CLEC6A: variants seen among roughly 807,000 people sequenced by gnomAD.
CLEC6A encodes the protein C-type lectin domain containing 6A.
In CLEC6A, 22 loss-of-function variants were observed where a neutral mutation model predicts 25.7. That is an observed-to-expected ratio of 0.85 (90% CI 0.61 to 1.22). The LOEUF (loss-of-function observed/expected upper bound fraction) is 1.22. Ranked by LOEUF, CLEC6A falls within the 50% of genes most tolerant of loss-of-function variation. CLEC6A has a pLI of 0.00. For missense variants in CLEC6A, 240 were observed against 236.8 expected (o/e 1.01, Z -0.09); for synonymous variants, 92 against 76.7 (o/e 1.20, Z -1.04).
At chr12:8,477,235 C>T in intron 5 of CLEC6A, 85 bp from the exon 6 acceptor site, 1 of 1,086,160 alleles carries the variant, frequency 9.2e-7, no homozygotes, top group Non-Finnish European at 1.3e-6. Context: ...CTAAATCCCA[C>T]TTTGTTCACC....
At chr12:8,471,456 C>T (rs1484810846) in intron 4 of CLEC6A, among the ~76,000 whole-genome samples, 1 of 151,854 alleles carries the variant, frequency 6.6e-6, no homozygotes, top group African/African-American at 2.4e-5. Context: ...AGATTAATTT[C>T]CCTACTAGTT....
chr12:8,459,705 C>A lies in CLEC6A; in HGVS notation c.223+7C>A. ...GAAGGGACAAAGGTGCCAGGTAAATCTTTAAAATACTGAAATAGACTTTCT... is the reference window on the plus strand; with the variant it reads ...GAAGGGACAAAGGTGCCAGGTAAATATTTAAAATACTGAAATAGACTTTCT... On this transcript the variant is annotated splice_region_variant and intron_variant, in intron 3 of 5. Coordinates refer to ENST00000382073, the MANE Select transcript of CLEC6A (RefSeq NM_001007033.2). 1.9e-6 allele frequency: 3 copies of A among 1,543,970 alleles called. No homozygotes were observed. Among genetic ancestry groups the A allele is most frequent in the Non-Finnish European group, 2.7e-6 (3 of 1,116,212 alleles).
intron 4 of CLEC6A, among the ~76,000 whole-genome samples, chr12:8,475,130 G>A (rs746918101): frequency 1.3e-5 from 2 of 152,178 alleles, no homozygotes; most frequent in East Asian, 3.9e-4. Flanking sequence ...AGAACATGTG[G>A]TGTTTGATTT....
intron 2 of CLEC6A, 145 bp downstream of exon 2, chr12:8,458,132 C>G: frequency 1.7e-6 from 1 of 588,626 alleles, no homozygotes. Flanking sequence ...CTCCTTTTCC[C>G]TTTGTTTTTC....
rs202062818 is a variant in CLEC6A, at chr12:8,476,289, T to C, written c.485+49T>C. 21 of 1,012,548 alleles carry C rather than the reference T, an allele frequency of 2.1e-5. No homozygotes were observed. The African/African-American group carries it at 2.9e-4, about 14-fold the overall frequency. 62.7% of individuals were successfully genotyped at this position (1,012,548 alleles called of 1,614,324 possible). On this transcript the variant is annotated intron_variant, in intron 5 of 5. Coordinates refer to ENST00000382073, the MANE Select transcript of CLEC6A (RefSeq NM_001007033.2). Reference sequence around the variant, plus strand: ...TTTACATAGAAAATCTAGGGAAATTTTGTTAGGAGTTACTAATAATGTTAA... The same window carrying C: ...TTTACATAGAAAATCTAGGGAAATTCTGTTAGGAGTTACTAATAATGTTAA...
chr12:8,456,019 G>A lies in CLEC6A; in HGVS notation c.-93G>A, dbSNP rs901740261. ...TGTAGCAGTTTGTCCCTGAGCTCTA[G>A]CTTCTTTAAATGAAGCTGAGTCTCT... On this transcript the variant is annotated 5_prime_UTR_variant, in exon 1 of 6. Transcript: ENST00000382073. 12 of 1,231,716 alleles carry A rather than the reference G, an allele frequency of 9.7e-6. No homozygotes were observed. The African/African-American group carries it at 1.8e-4, about 18-fold the overall frequency. The allele number at this position is 1,231,716 out of a possible 1,614,324, so 76.3% of individuals were successfully genotyped here.
intron 1 of CLEC6A, among the ~76,000 whole-genome samples, chr12:8,456,440 C>A (rs1181080829): frequency 6.6e-6 from 1 of 152,144 alleles, no homozygotes; most frequent in South Asian, 2.1e-4. Context: ...TGGATGTCTG[C>A]TCTTCAAAGT....
chr12:8,468,037 G>A (rs1939858426), intron 4 of CLEC6A, among the ~76,000 whole-genome samples: 1 of 151,914 alleles, frequency 6.6e-6, no homozygotes, highest in Admixed American at 6.6e-5. Flanking sequence ...TGCCTCCCAG[G>A]TTCAAATGAT....
At chr12:8,458,724 T>C in intron 2 of CLEC6A, among the ~76,000 whole-genome samples, 1 of 152,218 alleles carries the variant, frequency 6.6e-6, no homozygotes, top group East Asian at 1.9e-4. Context: ...GTTTTACTTT[T>C]CATAATCAAG....
chr12:8,465,443 A>G lies in CLEC6A; in HGVS notation c.224-41A>G, dbSNP rs745974305. On this transcript the variant is annotated intron_variant, in intron 3 of 5. Transcript: ENST00000382073. ...GCAGATCATTAATCTCATTTATCTT[A>G]TCTTGCACTCACTCTTTTTTTTCAT... 1.3e-5 allele frequency: 21 copies of G among 1,604,992 alleles called. No individual in the cohort carries two copies. The Admixed American group carries it at 3.2e-4, about 24-fold the overall frequency.
At chr12:8,456,277 A>G (rs1287468511) in intron 1 of CLEC6A, 135 bp downstream of exon 1, 2 of 800,172 alleles carry the variant, frequency 2.5e-6, no homozygotes, top group South Asian at 3.6e-5. Context: ...GGAATTTGAA[A>G]GAAAGAGTAA....
rs1431352582 is a variant in CLEC6A, at chr12:8,478,028, A to G, written c.*564A>G. 3 of 152,158 alleles carry G rather than the reference A, an allele frequency of 2.0e-5. No individual in the cohort carries two copies. In the East Asian group the frequency reaches 5.8e-4, roughly 29 times the overall value. The allele number at this position is 152,158 out of a possible 1,614,324, so 9.4% of individuals were successfully genotyped here. A position where few individuals can be genotyped will look rare whatever the true frequency, so the allele number is the denominator to read the frequency against. ...GCATTTTATATATGTTGATTCAATCAAGTTTGGCAAGCAGGGTGTTCGATA... is the reference window on the plus strand; with the variant it reads ...GCATTTTATATATGTTGATTCAATCGAGTTTGGCAAGCAGGGTGTTCGATA... On this transcript the variant is annotated 3_prime_UTR_variant, in exon 6 of 6. Transcript: ENST00000382073.
intron 1 of CLEC6A, 144 bp downstream of exon 1, chr12:8,456,286 A>C (rs781127719): frequency 1.3e-6 from 1 of 765,422 alleles, no homozygotes; most frequent in African/African-American, 1.7e-5. Context: ...AAGAAAGAGT[A>C]ATTCTTCAGA....
rs774456308 is a variant in CLEC6A, at chr12:8,459,683, G to T, written c.208G>T (p.Gly70Trp). ...YHSSLTCFSE[G>W]TKVPAWGCCP... Reference sequence around the variant, plus strand: ...TTCAAGTCTCACCTGCTTCAGTGAAGGGACAAAGGTGCCAGGTAAATCTTT... The same window carrying T: ...TTCAAGTCTCACCTGCTTCAGTGAATGGACAAAGGTGCCAGGTAAATCTTT... Residue 70 changes from glycine (G) to tryptophan (W), a missense_variant, in exon 3 of 6, where the codon GGG becomes TGG. Gly to Trp is a radical substitution (Grantham distance 184). Coordinates refer to ENST00000382073, the MANE Select transcript of CLEC6A (RefSeq NM_001007033.2). The T allele has an allele frequency of 6.2e-7, 1 of 1,610,240 alleles. No individual in the cohort carries two copies. The highest frequency in any genetic ancestry group is 8.5e-7 in the Non-Finnish European group (1 of 1,176,478).
chr12:8,459,278 A>G (rs759532620), intron 2 of CLEC6A, among the ~76,000 whole-genome samples: 1 of 152,106 alleles, frequency 6.6e-6, no homozygotes, highest in African/African-American at 2.4e-5. Context: ...AGGTGTATAT[A>G]TTTACGGGGT....
At chr12:8,468,828 A>G (rs1204719583) in intron 4 of CLEC6A, among the ~76,000 whole-genome samples, 1 of 152,176 alleles carries the variant, frequency 6.6e-6, no homozygotes, top group Non-Finnish European at 1.5e-5. Context: ...TACAGCCAAC[A>G]TTATACTCAA....
At chr12:8,472,856 G>A (rs1939924452) in intron 4 of CLEC6A, among the ~76,000 whole-genome samples, 1 of 152,008 alleles carries the variant, frequency 6.6e-6, no homozygotes, top group East Asian at 1.9e-4. Context: ...TGTTACCCAG[G>A]TCCTAAGTGT....
intron 3 of CLEC6A, among the ~76,000 whole-genome samples, chr12:8,460,187 G>T (rs929825329): frequency 1.4e-4 from 21 of 152,260 alleles, no homozygotes; most frequent in African/African-American, 5.1e-4. Context: ...GATTATGGTT[G>T]GTGTATTAGT....
rs1591711250 is a variant in CLEC6A at position 8,477,787 on chromosome 12, T to C, written c.*323T>C. On this transcript the variant is annotated 3_prime_UTR_variant, in exon 6 of 6. Coordinates refer to ENST00000382073, the MANE Select transcript of CLEC6A (RefSeq NM_001007033.2). ...GTACTATTTTGTTTGTTAGAAGATT[T>C]ATAAGGCAGTATCTTTTGAAAATTA... 1 of 165,982 alleles carries C rather than the reference T, an allele frequency of 6.0e-6. No individual in the cohort carries two copies. The highest frequency in any genetic ancestry group is 1.8e-4 in the South Asian group (1 of 5,500). 10.3% of individuals were successfully genotyped at this position (165,982 alleles called of 1,614,324 possible). A position where few individuals can be genotyped will look rare whatever the true frequency, so the allele number is the denominator to read the frequency against.
Sources: allele counts gnomAD v4.1 joint callset (sites outside exome capture counted in the v4.1 genomes callset), GRCh38; gene constraint gnomAD v4.1.1; transcripts MANE v1.5; gene names NCBI Gene and HGNC (gene_info 2026-07-23, HGNC 2026-07-21).